Variants in GPN1 observed in about 807,000 individuals in gnomAD.
GPN1 encodes the protein ATP(GTP)-binding protein.
A neutral mutation model predicts 55.9 loss-of-function variants in GPN1; 44 were observed. That is an observed-to-expected ratio of 0.79 (90% confidence interval 0.62 to 1.01). GPN1 has a LOEUF of 1.01. Among genes scored for constraint, GPN1 ranks in the 50% least tolerant of loss-of-function variants. The probability of loss-of-function intolerance (pLI) is 0.00; values close to 1 mark genes in which losing one functional copy is unlikely to be tolerated. For synonymous variants in GPN1, 179 were observed against 162.5 expected (o/e 1.10, Z -0.77); for missense variants, 466 against 462.8 (o/e 1.01, Z -0.06).
chr2:27,642,124 T>C, intron 11 of GPN1: 1 of 220,200 alleles, frequency 4.5e-6, no homozygotes, highest in African/African-American at 2.3e-5. Flanking sequence ...CCAGTTCAAT[T>C]AACAGAGCAG....
At chr2:27,646,687 A>T (rs1234104836) in intron 12 of GPN1, among the ~76,000 whole-genome samples, 2 of 151,858 alleles carry the variant, frequency 1.3e-5, no homozygotes, top group African/African-American at 4.8e-5. Flanking sequence ...CCATTTATTT[A>T]TTTATTGTAA....
rs554069151 is a variant in GPN1 at position 27,650,883 on chromosome 2, G to A, written c.*683G>A. The A allele has an allele frequency of 5.2e-5, 8 of 152,878 alleles. No homozygotes were observed. Among genetic ancestry groups the A allele is most frequent in the African/African-American group, 1.7e-4 (7 of 41,564 alleles). 9.5% of individuals were successfully genotyped at this position (152,878 alleles called of 1,614,324 possible). On this transcript the variant is annotated 3_prime_UTR_variant, in exon 14 of 14. Transcript: ENST00000610189. The stretch of plus-strand genomic sequence containing the variant: ...GACTGCTTGTCATGATTTCAAATTA[G>A]AAAATTATATAATTGCAAACAGCTT...
At position 27,634,747 on chromosome 2, in the gene GPN1, T is replaced by C. The variant is rs902908746; in HGVS notation, c.351-99T>C. 6.5e-6 allele frequency: 5 copies of C among 775,184 alleles called. 1 individual carries two copies. Among genetic ancestry groups the C allele is most frequent in the South Asian group, 4.3e-5 (3 of 70,520 alleles). 48.0% of individuals were successfully genotyped at this position (775,184 alleles called of 1,614,324 possible). ...AGATTTGGCAGTGTGCAGAGGTTACTCCAGTCTTGGATAACCAGATGTTTA... is the reference window on the plus strand; with the variant it reads ...AGATTTGGCAGTGTGCAGAGGTTACCCCAGTCTTGGATAACCAGATGTTTA... On this transcript the variant is annotated intron_variant, in intron 5 of 13. Coordinates refer to ENST00000610189, the MANE Select transcript of GPN1 (RefSeq NM_007266.4).
In GPN1 at chr2:27,647,897, A is replaced by C. The variant is rs1367346368; in HGVS notation, c.993A>C (p.Glu331Asp). 1.2e-6 allele frequency: 2 copies of C among 1,613,666 alleles called. No homozygotes were observed. Among genetic ancestry groups the C allele is most frequent in the Non-Finnish European group, 1.7e-6 (2 of 1,179,674 alleles). Residue 331 changes from glutamate (E) to aspartate (D), a missense_variant, in exon 13 of 14, where the codon GAA (glutamate) becomes GAC (aspartate). By Grantham distance (45) the Glu-to-Asp change is conservative (BLOSUM62 2). Transcript: ENST00000610189. ...TCCTGACTCGAGGAACCTTGGATGAAGAGGATGAGGAAGCAGACAGCGATA... is the reference window on the plus strand; with the variant it reads ...TCCTGACTCGAGGAACCTTGGATGACGAGGATGAGGAAGCAGACAGCGATA... The part of the protein sequence containing the change: ...DLILTRGTLD[E>D]EDEEADSDTD...
intron 5 of GPN1, among the ~76,000 whole-genome samples, chr2:27,633,137 T>C (rs561341294): frequency 6.6e-6 from 1 of 152,246 alleles, no homozygotes; most frequent in Non-Finnish European, 1.5e-5. Context: ...AGATAATTTA[T>C]TGTTTTATAA....
intron 2 of GPN1, among the ~76,000 whole-genome samples, chr2:27,630,647 G>C (rs1558485238): frequency 6.6e-6 from 1 of 152,106 alleles, no homozygotes; most frequent in African/African-American, 2.4e-5. Context: ...TTATAGGTGT[G>C]AGCCACTGTG....
At chr2:27,637,564 C>A (rs2148070224) in intron 7 of GPN1, among the ~76,000 whole-genome samples, 1 of 152,078 alleles carries the variant, frequency 6.6e-6, no homozygotes, top group South Asian at 2.1e-4. Flanking sequence ...TTTTAATATT[C>A]TTTTCCCAGC....
At position 27,637,653 on chromosome 2, in the gene GPN1, T is replaced by C. The variant is rs1450355111; in HGVS notation, c.525-557T>C. ...TAAAGAATAAAGGAGATAATACTTA[T>C]GAAAGTGCTTATTAGCACAGTGCCT... On this transcript the variant is annotated intron_variant, in intron 7 of 13. Transcript: ENST00000610189. 2.0e-5 allele frequency among the ~76,000 whole-genome samples: 3 copies of C among 152,330 alleles called. No homozygotes were observed. In the East Asian group the frequency reaches 5.8e-4, roughly 29 times the overall value.
intron 6 of GPN1, 67 bp downstream of exon 6, chr2:27,634,991 A>C: frequency 9.6e-7 from 1 of 1,046,164 alleles, no homozygotes; most frequent in Non-Finnish European, 1.5e-6. Flanking sequence ...ATTTATTTTT[A>C]ATTGCCTTGG....
chr2:27,628,940 C>T (rs1673407611), upstream of GPN1: 5 of 1,524,200 alleles, frequency 3.3e-6, no homozygotes, highest in Middle Eastern at 2.2e-4. Context: ...GCAACCGCCG[C>T]GCCCCTCACC....
Position 27,650,309 on chromosome 2 carries a change from C to T in GPN1, c.*109C>T, listed in dbSNP as rs1011798483. 6.7e-6 allele frequency: 4 copies of T among 600,420 alleles called. No individual in the cohort carries two copies. The highest frequency in any genetic ancestry group is 1.2e-5 in the Non-Finnish European group (4 of 336,786). 37.2% of individuals were successfully genotyped at this position (600,420 alleles called of 1,614,324 possible). A position where few individuals can be genotyped will look rare whatever the true frequency, so the allele number is the denominator to read the frequency against. The stretch of plus-strand genomic sequence containing the variant: ...GGGGCTCCCATAAGGGATAATTTTC[C>T]TCAGAGTAGCAAAGTTTCTCTTATT... On this transcript the variant is annotated 3_prime_UTR_variant, in exon 14 of 14. Coordinates refer to ENST00000610189, the MANE Select transcript of GPN1 (RefSeq NM_007266.4).
intron 12 of GPN1, 29 bp from the exon 13 acceptor site, chr2:27,647,805 GGC>G: frequency 8.0e-7 from 1 of 1,248,230 alleles, no homozygotes; most frequent in East Asian, 2.3e-5. Flanking sequence ...TTTTTGAGGA[GGC>G]ATATCACTGA....
At chr2:27,631,755 C>T (rs377654944) in intron 3 of GPN1, 79 bp from the exon 4 acceptor site, 13 of 846,220 alleles carry the variant, frequency 1.5e-5, no homozygotes, top group African/African-American at 5.0e-5. Flanking sequence ...TTCATAATGC[C>T]GTTTGTGTGA....
chr2:27,648,976 G>A (rs1674376302), intron 13 of GPN1, among the ~76,000 whole-genome samples: 1 of 151,548 alleles, frequency 6.6e-6, no homozygotes, highest in Non-Finnish European at 1.5e-5. Flanking sequence ...CGGGCACGGT[G>A]GCTCACGTCT....
In GPN1 at chr2:27,641,486, T is replaced by C. The variant is rs182570048; in HGVS notation, c.840+207T>C. Among the ~76,000 whole-genome samples, 10 of 152,348 alleles carry C rather than the reference T, an allele frequency of 6.6e-5. No individual in the cohort carries two copies. The East Asian group carries it at 1.9e-3, about 29-fold the overall frequency. On this transcript the variant is annotated intron_variant, in intron 11 of 13. Transcript: ENST00000610189. ...TTGTTAATTTAAATTTGTAAATTTG[T>C]ATGTATGTTGTCTGGGTGCGGAAAG... is the stretch of plus-strand genomic sequence containing the variant.
At chr2:27,644,708 T>G (rs1226627258) in intron 12 of GPN1, among the ~76,000 whole-genome samples, 1 of 150,412 alleles carries the variant, frequency 6.6e-6, no homozygotes, top group African/African-American at 2.4e-5. Context: ...CTTAGTGAGT[T>G]TTTTTTTTGG....
intron 7 of GPN1, among the ~76,000 whole-genome samples, chr2:27,637,172 C>T (rs775790471): frequency 1.3e-4 from 20 of 152,130 alleles, no homozygotes; most frequent in Non-Finnish European, 2.5e-4. Context: ...GTAACATAAA[C>T]AGTAGATTAA....
upstream of GPN1, chr2:27,628,782 G>C: frequency 6.6e-7 from 1 of 1,523,684 alleles, no homozygotes; most frequent in Admixed American, 2.1e-5. Context: ...GCCTTCCTCC[G>C]GGAGACAAAA....
rs1054193568 is a variant in GPN1 at position 27,635,297 on chromosome 2, C to T, written c.524+63C>T. On this transcript the variant is annotated intron_variant, in intron 7 of 13. Transcript: ENST00000610189. ...TATAAGGCCTTTTTCTCTTCTTCTT[C>T]CTCTTTTTTTTTTTTTTTTGAATCT... 68 of 464,964 alleles carry T rather than the reference C, an allele frequency of 1.5e-4. No individual in the cohort carries two copies. The African/African-American group carries it at 1.8e-3, about 12-fold the overall frequency. 28.8% of individuals were successfully genotyped at this position (464,964 alleles called of 1,614,324 possible).
Sources: gnomAD v4.1 joint callset for allele counts (sites outside exome capture counted in the v4.1 genomes callset) on GRCh38, gnomAD v4.1.1 for gene constraint, MANE v1.5 for transcripts, NCBI Gene and HGNC (gene_info 2026-07-23, HGNC 2026-07-21) for gene names.